Variants in ANKRD30BL observed in about 807,000 individuals in gnomAD.
The protein encoded by ANKRD30BL is putative ankyrin repeat domain-containing protein 30B-like.
A neutral mutation model predicts 18.4 loss-of-function variants in ANKRD30BL; 20 were observed. The ratio of observed to expected loss-of-function variants is 1.09; its 90% confidence interval spans 0.77 to 1.58. The LOEUF is 1.58. Ranked by LOEUF, ANKRD30BL falls within the 40% of genes most tolerant of loss-of-function variation. ANKRD30BL has a pLI of 0.00. For synonymous variants in ANKRD30BL, 72 were observed against 100.9 expected (o/e 0.71, Z 1.72); for missense variants, 224 against 268.6 (o/e 0.83, Z 1.16).
intron 1 of ANKRD30BL, among the ~76,000 whole-genome samples, chr2:132,222,364 GA>G (rs1174439883): frequency 2.6e-5 from 4 of 152,134 alleles, no homozygotes; most frequent in Non-Finnish European, 5.9e-5. Context: ...GATGGGCCAT[GA>G]TGACAATGGC....
At chr2:132,175,494 GA>G (rs1427805117) in intron 1 of ANKRD30BL, among the ~76,000 whole-genome samples, 2 of 152,322 alleles carry the variant, frequency 1.3e-5, no homozygotes, top group African/African-American at 4.8e-5. Context: ...GTATTATACT[GA>G]GACATTCAGT....
At chr2:132,197,679 T>G in intron 1 of ANKRD30BL, among the ~76,000 whole-genome samples, 1 of 151,982 alleles carries the variant, frequency 6.6e-6, no homozygotes, top group East Asian at 1.9e-4. Flanking sequence ...ATTATTTATT[T>G]ATAGGTTAGT....
intron 3 of ANKRD30BL, chr2:132,155,704 C>A (rs948167481): frequency 1.3e-5 from 2 of 151,992 alleles, no homozygotes; most frequent in South Asian, 2.1e-4. Flanking sequence ...TCGAGACCAT[C>A]GTGGTCAACA....
chr2:132,161,652 C>T lies in ANKRD30BL; in HGVS notation c.54G>A (p.Pro18=), dbSNP rs9750450. The change falls in exon 1 of 6, where the codon CCG becomes CCA. Residue 18 remains proline, a synonymous_variant. Coordinates refer to ENST00000409867, the MANE Select transcript of ANKRD30BL (RefSeq NM_001358416.1). ...PVKGQTGPER[P]SPFSQLVYTN... ...TGTAGACCAGCTGACTGAAGGGGCT[C>T]GGGCGCTCTGGGCCCGTCTGGCCCT... is the stretch of plus-strand genomic sequence containing the variant. 2 of 1,452,928 alleles carry T rather than the reference C, an allele frequency of 1.4e-6. No individual in the cohort carries two copies. Among genetic ancestry groups the T allele is most frequent in the Non-Finnish European group, 1.9e-6 (2 of 1,060,138 alleles). 90.0% of individuals were successfully genotyped at this position (1,452,928 alleles called of 1,614,324 possible). A position where few individuals can be genotyped will look rare whatever the true frequency, so the allele number is the denominator to read the frequency against.
At chr2:132,226,649 G>T (rs541669970) in intron 1 of ANKRD30BL, among the ~76,000 whole-genome samples, 2 of 151,764 alleles carry the variant, frequency 1.3e-5, no homozygotes, top group African/African-American at 4.8e-5. Context: ...ATCTGCAAGT[G>T]GACATTTGGT....
At chr2:132,198,881 G>T (rs905387914) in intron 1 of ANKRD30BL, among the ~76,000 whole-genome samples, 5 of 152,100 alleles carry the variant, frequency 3.3e-5, no homozygotes, top group African/African-American at 4.8e-5. Flanking sequence ...GCCTCCCAAA[G>T]TACTGGAATT....
At position 132,158,375 on chromosome 2, in the gene ANKRD30BL, A is replaced by G. The variant is rs543622121; in HGVS notation, c.219-952T>C. On this transcript the variant is annotated intron_variant, in intron 1 of 5. Transcript: ENST00000409867. ...ATTTAAATTTATAGAATGCATGTAA[A>G]TTAGGTATTTCCAATGATTAATATT... 4.3e-3 allele frequency among the ~76,000 whole-genome samples: 647 copies of G among 152,166 alleles called. 7 individuals carry two copies. Among genetic ancestry groups the G allele is most frequent in the African/African-American group, 0.015 (608 of 41,570 alleles).
chr2:132,200,991 C>T (rs1317135064), intron 1 of ANKRD30BL, among the ~76,000 whole-genome samples: 2 of 152,078 alleles, frequency 1.3e-5, no homozygotes, highest in Non-Finnish European at 2.9e-5. Flanking sequence ...AATGATGCCA[C>T]ATATCTACAA....
At chr2:132,201,350 G>A (rs1470605559) in intron 1 of ANKRD30BL, among the ~76,000 whole-genome samples, 1 of 151,998 alleles carries the variant, frequency 6.6e-6, no homozygotes, top group African/African-American at 2.4e-5. Context: ...CCATCAGAGT[G>A]AACAGGCAAC....
chr2:132,206,705 G>A (rs1216157226), intron 1 of ANKRD30BL, among the ~76,000 whole-genome samples: 2 of 152,196 alleles, frequency 1.3e-5, no homozygotes, highest in African/African-American at 2.4e-5. Flanking sequence ...TTAAGGAGGT[G>A]TAATTTCCTA....
intron 1 of ANKRD30BL, among the ~76,000 whole-genome samples, chr2:132,193,289 C>T (rs1233937644): frequency 2.0e-5 from 3 of 152,182 alleles, no homozygotes; most frequent in African/African-American, 4.8e-5. Flanking sequence ...CTACTGCTGC[C>T]TCTGACTGTC....
intron 1 of ANKRD30BL, among the ~76,000 whole-genome samples, chr2:132,182,281 T>G (rs1296465579): frequency 6.6e-6 from 1 of 151,622 alleles, no homozygotes; most frequent in East Asian, 2.0e-4. Flanking sequence ...AGGAGATCCA[T>G]ACCATCCTGT....
chr2:132,250,391 A>C (rs1680619361), intron 1 of ANKRD30BL, among the ~76,000 whole-genome samples: 1 of 152,256 alleles, frequency 6.6e-6, no homozygotes, highest in South Asian at 2.1e-4. Context: ...ATTGTACAAC[A>C]ACAGAATTTC....
At chr2:132,228,978 CTT>C (rs1679926669) in intron 1 of ANKRD30BL, among the ~76,000 whole-genome samples, 1 of 152,100 alleles carries the variant, frequency 6.6e-6, no homozygotes, top group Admixed American at 6.6e-5. Flanking sequence ...TTAGAAACAT[CTT>C]TGTGATGTGT....
intron 1 of ANKRD30BL, among the ~76,000 whole-genome samples, chr2:132,187,525 AGGATGGT>A (rs1688589422): frequency 6.6e-6 from 1 of 151,806 alleles, no homozygotes; most frequent in Non-Finnish European, 1.5e-5. Context: ...CGTGTTAGCA[AGGATGGT>A]CTCGATCTCT....
At chr2:132,242,882 T>C (rs1336452935) in intron 1 of ANKRD30BL, among the ~76,000 whole-genome samples, 1 of 151,806 alleles carries the variant, frequency 6.6e-6, no homozygotes. Flanking sequence ...AGGAAATATC[T>C]TCACAAAAAA....
intron 1 of ANKRD30BL, among the ~76,000 whole-genome samples, chr2:132,196,934 A>C (rs1459979946): frequency 2.0e-5 from 3 of 152,252 alleles, no homozygotes; most frequent in Non-Finnish European, 1.5e-5. Flanking sequence ...AAAAGGATTT[A>C]AAAGTCAGAA....
intron 1 of ANKRD30BL, among the ~76,000 whole-genome samples, chr2:132,210,172 C>T (rs10200080): frequency 0.028 from 4,071 of 146,044 alleles, 159 homozygotes; most frequent in African/African-American, 0.098. Flanking sequence ...GAGCGCTTTG[C>T]GGCCTATAGT....
chr2:132,170,720 T>C (rs1053429120), intron 1 of ANKRD30BL, among the ~76,000 whole-genome samples: 54 of 152,226 alleles, frequency 3.5e-4, no homozygotes, highest in African/African-American at 1.2e-3. Flanking sequence ...GGTAAGGGAG[T>C]GTTTTCAGAA....
Sources: allele counts gnomAD v4.1 joint callset (sites outside exome capture counted in the v4.1 genomes callset), GRCh38; gene constraint gnomAD v4.1.1; transcripts MANE v1.5; gene names NCBI Gene and HGNC (gene_info 2026-07-23, HGNC 2026-07-21).